ANAPC10: variants seen among roughly 807,000 people sequenced by gnomAD.
The protein encoded by ANAPC10 is anaphase-promoting complex subunit 10.
ANAPC10 carries 12 observed loss-of-function variants against 22.0 expected under a neutral mutation model. The ratio of observed to expected loss-of-function variants is 0.55; its 90% CI spans 0.35 to 0.88. The LOEUF is 0.88. ANAPC10 is among the 40% of genes least tolerant of loss of function. The pLI, the probability that ANAPC10 is intolerant of heterozygous loss-of-function variation, is 0.01. For synonymous variants in ANAPC10, 65 were observed against 69.5 expected, an observed-to-expected ratio of 0.94 and a Z score of 0.32; for missense variants, 188 against 220.9, an observed-to-expected ratio of 0.85 and a Z score of 0.94.
chr4:144,995,259 A>G lies in ANAPC10; in HGVS notation c.*114T>C, dbSNP rs1645826488. 3.6e-6 allele frequency: 2 copies of G among 561,434 alleles called. No individual in the cohort carries two copies. The highest frequency in any genetic ancestry group is 3.7e-5 in the Admixed American group (1 of 26,966). The allele number at this position is 561,434 out of a possible 1,614,324, so 34.8% of individuals were successfully genotyped here. A position where few individuals can be genotyped will look rare whatever the true frequency, so the allele number is the denominator to read the frequency against. On this transcript the variant is annotated 3_prime_UTR_variant, in exon 5 of 5. Coordinates refer to ENST00000507656, the MANE Select transcript of ANAPC10 (RefSeq NM_001256706.2). ...TCAAAGTTACAATAAAATATTTTTA[A>G]ACATATACAAAATTAGATATAACGG... is the stretch of plus-strand genomic sequence containing the variant.
At position 145,076,568 on chromosome 4, in the gene ANAPC10, A is replaced by C. The variant is rs549731386; in HGVS notation, c.206+5092T>G. Among the ~76,000 whole-genome samples, 4 of 152,348 alleles carry C rather than the reference A, an allele frequency of 2.6e-5. No individual in the cohort carries two copies. In the South Asian group the frequency reaches 8.3e-4, roughly 32 times the overall value. ...CTTCTTACATCCAAATGAGCACACT[A>C]GTTGCCCAGCAATGGTTCTTAACCG... On this transcript the variant is annotated intron_variant, in intron 3 of 4. Transcript: ENST00000507656.
intron 4 of ANAPC10, among the ~76,000 whole-genome samples, chr4:145,058,494 T>C (rs1742394646): frequency 1.3e-5 from 2 of 152,178 alleles, no homozygotes; most frequent in Admixed American, 1.3e-4. Context: ...ATCTCTTCCA[T>C]GAGACTATGA....
rs1032236764 is a variant in ANAPC10, at chr4:145,083,148, TAAC to T, written c.116-1401_116-1399del. Among the ~76,000 whole-genome samples the T allele has an allele frequency of 5.5e-4, 84 of 152,252 alleles. 2 individuals are homozygous for T. Among genetic ancestry groups the T allele is most frequent in the African/African-American group, 1.8e-3 (74 of 41,566 alleles). ...GAATATTTATTCCATATCAATAAAT[TAAC>T]AACAATAATAACAATAACAAACACT... is the stretch of plus-strand genomic sequence containing the variant. On this transcript the variant is annotated intron_variant, in intron 2 of 4. Coordinates refer to ENST00000507656, the MANE Select transcript of ANAPC10 (RefSeq NM_001256706.2).
Position 145,018,484 on chromosome 4 carries a change from A to C in ANAPC10, c.328-22881T>G, listed in dbSNP as rs555967107. On this transcript the variant is annotated intron_variant, in intron 4 of 4. Transcript: ENST00000507656. ...CCCCATCTCTACTAAAAATACAAAA[A>C]AAAATAAGCCAGGCATGGTGGCAGG... Among the ~76,000 whole-genome samples the C allele has an allele frequency of 2.6e-5, 4 of 152,116 alleles. No individual in the cohort carries two copies. The South Asian group carries it at 8.3e-4, about 32-fold the overall frequency.
chr4:145,046,610 C>A (rs1305281169), intron 4 of ANAPC10, among the ~76,000 whole-genome samples: 1 of 151,924 alleles, frequency 6.6e-6, no homozygotes, highest in Non-Finnish European at 1.5e-5. Context: ...TTTACATATG[C>A]CACAAAAAAT....
intron 3 of ANAPC10, among the ~76,000 whole-genome samples, chr4:145,075,128 T>C (rs749138393): frequency 9.2e-5 from 14 of 152,194 alleles, no homozygotes; most frequent in Admixed American, 4.6e-4. Flanking sequence ...TCATAGATTC[T>C]GTGCTTACCT....
chr4:145,054,028 C>T (rs1478035072), intron 4 of ANAPC10, among the ~76,000 whole-genome samples: 1 of 151,712 alleles, frequency 6.6e-6, no homozygotes, highest in Non-Finnish European at 1.5e-5. Context: ...CCTGCCTCAG[C>T]CTCCTGAGTA....
At chr4:145,058,376 T>C (rs1274160195) in intron 4 of ANAPC10, among the ~76,000 whole-genome samples, 1 of 152,214 alleles carries the variant, frequency 6.6e-6, no homozygotes, top group Non-Finnish European at 1.5e-5. Context: ...CATCAACCTC[T>C]TCAGCTTTTT....
intron 4 of ANAPC10, among the ~76,000 whole-genome samples, chr4:145,039,929 G>C (rs1406634717): frequency 6.6e-6 from 1 of 151,946 alleles, no homozygotes; most frequent in African/African-American, 2.4e-5. Flanking sequence ...TTAGATACTA[G>C]AAATCTGAGG....
intron 4 of ANAPC10, among the ~76,000 whole-genome samples, chr4:145,002,957 G>T (rs1732791936): frequency 1.3e-5 from 2 of 152,218 alleles, no homozygotes; most frequent in South Asian, 4.1e-4. Context: ...AGATTATTTA[G>T]TCACCCAGGT....
At chr4:145,051,796 A>G (rs577164803) in intron 4 of ANAPC10, among the ~76,000 whole-genome samples, 1 of 152,284 alleles carries the variant, frequency 6.6e-6, no homozygotes, top group African/African-American at 2.4e-5. Flanking sequence ...TAATTAAGTG[A>G]AATGAGAGAA....
rs1414999725 is a variant in ANAPC10 at position 145,081,765 on chromosome 4, A to T, written c.116-15T>A. 2 of 1,572,806 alleles carry T rather than the reference A, an allele frequency of 1.3e-6. No individual in the cohort carries two copies. Among genetic ancestry groups the T allele is most frequent in the South Asian group, 2.3e-5 (2 of 88,442 alleles). On this transcript the variant is annotated splice_polypyrimidine_tract_variant and intron_variant, in intron 2 of 4. Transcript: ENST00000507656. ...CACTCCAAATCCTAAAAACACCAAA[A>T]GTGTCAATAAATCCCTGTGAAAAAG...
chr4:144,997,985 G>A (rs1312216204), intron 4 of ANAPC10, among the ~76,000 whole-genome samples: 2 of 152,116 alleles, frequency 1.3e-5, no homozygotes, highest in African/African-American at 4.8e-5. Flanking sequence ...AGACAAAGAA[G>A]GCCATTACAT....
At chr4:145,026,959 A>ATG (rs1736799106) in intron 4 of ANAPC10, among the ~76,000 whole-genome samples, 2 of 9,924 alleles carry the variant, frequency 2.0e-4, no homozygotes, top group Non-Finnish European at 3.3e-4. Context: ...GTGTGTGTGT[A>ATG]TATATATATA....
chr4:145,010,584 A>C (rs1340263788), intron 4 of ANAPC10, among the ~76,000 whole-genome samples: 1 of 152,280 alleles, frequency 6.6e-6, no homozygotes, highest in East Asian at 1.9e-4. Flanking sequence ...CAGAACACCG[A>C]ACACCACATA....
At chr4:145,024,713 T>C (rs1360534399) in intron 4 of ANAPC10, among the ~76,000 whole-genome samples, 4 of 152,288 alleles carry the variant, frequency 2.6e-5, no homozygotes, top group East Asian at 1.9e-4. Flanking sequence ...AGAACAGATT[T>C]AGCATAATTC....
chr4:145,034,523 TTATATA>T (rs370113295), intron 4 of ANAPC10, among the ~76,000 whole-genome samples: 2 of 91,864 alleles, frequency 2.2e-5, no homozygotes, highest in East Asian at 4.7e-4. Flanking sequence ...AAACTCTCCT[TTATATA>T]TATATATATA....
At chr4:145,004,000 T>A (rs1376290720) in intron 4 of ANAPC10, among the ~76,000 whole-genome samples, 1 of 152,132 alleles carries the variant, frequency 6.6e-6, no homozygotes, top group Non-Finnish European at 1.5e-5. Flanking sequence ...TGTGTTTGTA[T>A]CATCTCTGAT....
At chr4:145,067,473 T>C (rs1743879401) in intron 3 of ANAPC10, among the ~76,000 whole-genome samples, 1 of 152,204 alleles carries the variant, frequency 6.6e-6, no homozygotes. Flanking sequence ...AAAGAGCTTC[T>C]GGCAGGAACC....
Sources: gnomAD v4.1 joint callset for allele counts (sites outside exome capture counted in the v4.1 genomes callset) on GRCh38, gnomAD v4.1.1 for gene constraint, MANE v1.5 for transcripts, NCBI Gene and HGNC (gene_info 2026-07-23, HGNC 2026-07-21) for gene names.